Variants in HPSE2 observed in about 807,000 individuals in gnomAD.
HPSE2 encodes heparanase 2 (inactive).
HPSE2 carries 38 observed loss-of-function variants against 60.5 expected under a neutral mutation model. That is an observed-to-expected ratio of 0.63 (90% CI 0.48 to 0.82). The LOEUF (loss-of-function observed/expected upper bound fraction) is 0.82, where lower values mean the gene tolerates loss of function less well. HPSE2 is among the 40% of genes least tolerant of loss of function. The pLI is 0.00. For missense variants in HPSE2, 713 were observed against 740.4 expected (o/e 0.96, Z 0.43); for synonymous variants, 295 against 293.2 (o/e 1.01, Z -0.06).
At chr10:99,264,285 C>G in the HPSE2 span, among the ~76,000 whole-genome samples, 2 of 152,046 alleles carry the variant, frequency 1.3e-5, no homozygotes, top group Non-Finnish European at 2.9e-5. Context: ...GACAGCATTT[C>G]ACTGTGTTAG....
At chr10:98,972,536 C>A (rs767175232) in intron 3 of HPSE2, among the ~76,000 whole-genome samples, 20 of 152,128 alleles carry the variant, frequency 1.3e-4, no homozygotes, top group Non-Finnish European at 2.6e-4. Flanking sequence ...TATAGGTCCA[C>A]TGATTTCTAG....
the HPSE2 span, among the ~76,000 whole-genome samples, chr10:99,281,108 T>C: frequency 2.0e-5 from 3 of 149,268 alleles, no homozygotes; most frequent in Non-Finnish European, 4.4e-5. Flanking sequence ...TATTAATATA[T>C]AACAACATAT....
At chr10:98,730,853 T>TGGATTAGTTGGTGAATTCTATTA (rs1949210085) in intron 4 of HPSE2, among the ~76,000 whole-genome samples, 2 of 152,206 alleles carry the variant, frequency 1.3e-5, no homozygotes. Context: ...CAGATCCGTA[T>TGGATTAGTTGGTGAATTCTATTA]GGATTAGTTG....
intron 11 of HPSE2, among the ~76,000 whole-genome samples, chr10:98,474,066 T>G (rs936614696): frequency 6.6e-6 from 1 of 152,202 alleles, no homozygotes; most frequent in African/African-American, 2.4e-5. Flanking sequence ...AGGGAGTACA[T>G]CTGGTTGACC....
At chr10:98,807,202 A>G (rs1951062563) in intron 3 of HPSE2, among the ~76,000 whole-genome samples, 1 of 152,224 alleles carries the variant, frequency 6.6e-6, no homozygotes, top group South Asian at 2.1e-4. Context: ...CTCAGCTTCA[A>G]TATTTTCAAA....
chr10:98,593,268 A>C (rs1589469284), intron 9 of HPSE2, among the ~76,000 whole-genome samples: 2 of 152,204 alleles, frequency 1.3e-5, no homozygotes, highest in African/African-American at 4.8e-5. Flanking sequence ...GGCTGCACTT[A>C]GGAATTACTG....
At position 98,743,956 on chromosome 10, in the gene HPSE2, G is replaced by C; in HGVS notation, c.711C>G (p.Asn237Lys). The C allele has an allele frequency of 6.2e-7, 1 of 1,614,066 alleles. No homozygotes were observed. The change falls in exon 4 of 12, where the codon AAC becomes AAG. Residue 237 changes from asparagine to lysine, a missense_variant. Asn to Lys is a moderately conservative substitution (Grantham distance 94). Transcript: ENST00000370552. ...ALRRNPNNSW[N>K]SSSALSLLKY... ...TCAACAGACTCAGGGCACTAGAACT[G>C]TTCCAGGAGTTATTGGGATTACGAC... is the stretch of plus-strand genomic sequence containing the variant.
chr10:99,131,301 G>A (rs1845375362), intron 3 of HPSE2, among the ~76,000 whole-genome samples: 1 of 152,080 alleles, frequency 6.6e-6, no homozygotes, highest in Admixed American at 6.6e-5. Flanking sequence ...ACTAAAAGCA[G>A]AACTACCATT....
intron 5 of HPSE2, 111 bp downstream of exon 5, chr10:98,721,546 T>C (rs1948923158): frequency 1.8e-6 from 2 of 1,139,730 alleles, no homozygotes; most frequent in East Asian, 5.2e-5. Flanking sequence ...TCCCTCCTTT[T>C]TTCTTAAGAC....
chr10:99,250,589 G>A, the HPSE2 span, among the ~76,000 whole-genome samples: 4 of 151,996 alleles, frequency 2.6e-5, no homozygotes, highest in Admixed American at 6.6e-5. Context: ...CTGCAAGGTC[G>A]ACCACGTGCT....
At chr10:98,869,015 T>C (rs1227298726) in intron 3 of HPSE2, among the ~76,000 whole-genome samples, 3 of 151,932 alleles carry the variant, frequency 2.0e-5, no homozygotes, top group African/African-American at 7.2e-5. Flanking sequence ...CATGTCTCTG[T>C]GTGTGTGTGG....
intron 9 of HPSE2, among the ~76,000 whole-genome samples, chr10:98,520,201 C>T (rs1377059174): frequency 2.0e-5 from 3 of 152,206 alleles, no homozygotes; most frequent in African/African-American, 4.8e-5. Flanking sequence ...CAGAACTCCA[C>T]TGGGTTAGGG....
intron 6 of HPSE2, among the ~76,000 whole-genome samples, chr10:98,676,955 T>G (rs1947660325): frequency 6.6e-6 from 1 of 151,990 alleles, no homozygotes. Flanking sequence ...ATGTCATTAA[T>G]GGTTCTCTTT....
the HPSE2 span, among the ~76,000 whole-genome samples, chr10:99,315,820 C>G: frequency 6.6e-6 from 1 of 152,204 alleles, no homozygotes. Context: ...AGCATCTTCA[C>G]AGACACGTTC....
intron 2 of HPSE2, among the ~76,000 whole-genome samples, chr10:99,198,062 C>T (rs1050671387): frequency 5.4e-5 from 8 of 148,182 alleles, no homozygotes; most frequent in Admixed American, 4.1e-4. Context: ...AGCAAGACTC[C>T]GTCTCAAAAA....
intron 10 of HPSE2, among the ~76,000 whole-genome samples, chr10:98,485,014 A>G (rs1318857877): frequency 1.3e-5 from 2 of 152,224 alleles, no homozygotes; most frequent in East Asian, 1.9e-4. Context: ...GGAAAGCATC[A>G]TTCCTTATAG....
chr10:98,582,967 T>C (rs546444100), intron 9 of HPSE2, among the ~76,000 whole-genome samples: 53 of 152,220 alleles, frequency 3.5e-4, no homozygotes, highest in Non-Finnish European at 1.9e-4. Context: ...TAATCACTTA[T>C]CTACTCTGCA....
chr10:98,749,615 T>C (rs1315510313), intron 3 of HPSE2, among the ~76,000 whole-genome samples: 1 of 151,232 alleles, frequency 6.6e-6, no homozygotes, highest in Non-Finnish European at 1.5e-5. Flanking sequence ...TCAGTAGAAA[T>C]CGTACTTCAA....
intron 3 of HPSE2, among the ~76,000 whole-genome samples, chr10:99,046,625 A>G (rs1957862174): frequency 6.6e-6 from 1 of 152,168 alleles, no homozygotes; most frequent in African/African-American, 2.4e-5. Context: ...TGATTTTAAT[A>G]AGGTTTCAGG....
Sources: allele counts gnomAD v4.1 joint callset (sites outside exome capture counted in the v4.1 genomes callset), GRCh38; gene constraint gnomAD v4.1.1; transcripts MANE v1.5; gene names NCBI Gene and HGNC (gene_info 2026-07-23, HGNC 2026-07-21).